CCSER1: variants seen among roughly 807,000 people sequenced by gnomAD.
The protein encoded by CCSER1 is serine-rich coiled-coil domain-containing protein 1.
Under a neutral mutation model 82.0 loss-of-function variants are expected in CCSER1, and 41 were observed. That is an observed-to-expected ratio of 0.50 (90% CI 0.39 to 0.65). The LOEUF is 0.65. Ranked by LOEUF, CCSER1 falls within the 30% of genes least tolerant of loss-of-function variation. The pLI is 0.00. For synonymous variants in CCSER1, 414 were observed against 383.9 expected, an observed-to-expected ratio of 1.08 and a Z score of -0.92; for missense variants, 1,119 against 1,064.2, an observed-to-expected ratio of 1.05 and a Z score of -0.72.
intron 10 of CCSER1, among the ~76,000 whole-genome samples, chr4:91,253,373 T>A (rs1240964006): frequency 6.6e-6 from 1 of 152,156 alleles, no homozygotes; most frequent in East Asian, 1.9e-4. Flanking sequence ...TCGTCAAAAG[T>A]AAGCTATTAG....
intron 10 of CCSER1, among the ~76,000 whole-genome samples, chr4:91,108,321 A>G (rs559538764): frequency 1.1e-4 from 16 of 152,304 alleles, no homozygotes; most frequent in East Asian, 7.7e-4. Context: ...GTCCATTTCT[A>G]TATGGCATTG....
At chr4:90,798,360 G>A (rs1409634118) in intron 7 of CCSER1, among the ~76,000 whole-genome samples, 1 of 151,998 alleles carries the variant, frequency 6.6e-6, no homozygotes, top group Non-Finnish European at 1.5e-5. Flanking sequence ...TGGCTATTTT[G>A]TCTGTCAGCA....
chr4:90,867,691 C>A (rs1765918483), intron 8 of CCSER1, among the ~76,000 whole-genome samples: 1 of 151,958 alleles, frequency 6.6e-6, no homozygotes, highest in African/African-American at 2.4e-5. Context: ...TCCCCCAATA[C>A]CTCCACTAGC....
At chr4:91,320,803 T>C (rs1746144188) in intron 10 of CCSER1, among the ~76,000 whole-genome samples, 1 of 152,042 alleles carries the variant, frequency 6.6e-6, no homozygotes, top group African/African-American at 2.4e-5. Flanking sequence ...GGTTCATCTT[T>C]CTGCCGCAAT....
chr4:90,875,590 G>A (rs993162518), intron 8 of CCSER1, among the ~76,000 whole-genome samples: 2 of 152,138 alleles, frequency 1.3e-5, no homozygotes, highest in African/African-American at 4.8e-5. Flanking sequence ...TAGGCATTTT[G>A]TAACAAGTCT....
At chr4:90,791,856 AG>A in intron 7 of CCSER1, among the ~76,000 whole-genome samples, 1 of 151,672 alleles carries the variant, frequency 6.6e-6, no homozygotes, top group South Asian at 2.1e-4. Flanking sequence ...CACGTTTATA[AG>A]ATGTAATGCT....
chr4:90,653,504 A>T (rs1297289826), intron 6 of CCSER1, among the ~76,000 whole-genome samples: 1 of 152,120 alleles, frequency 6.6e-6, no homozygotes, highest in African/African-American at 2.4e-5. Context: ...TAAAATTATG[A>T]TAGACACCAT....
At position 91,153,023 on chromosome 4, in the gene CCSER1, C is replaced by T. The variant is rs757231004; in HGVS notation, c.2217+67029C>T. 9.9e-5 allele frequency among the ~76,000 whole-genome samples: 15 copies of T among 151,886 alleles called. 1 individual carries two copies. Among genetic ancestry groups the T allele is most frequent in the Non-Finnish European group, 1.8e-4 (12 of 67,890 alleles). ...CTCTTCTCAAGGAGTATCTTTGTGG[C>T]GTTCTCTGTATTTCCTGAATTTGAA... is the stretch of plus-strand genomic sequence containing the variant. On this transcript the variant is annotated intron_variant, in intron 10 of 10. Transcript: ENST00000509176.
chr4:91,180,810 C>G (rs1269021457), intron 10 of CCSER1, among the ~76,000 whole-genome samples: 2 of 152,096 alleles, frequency 1.3e-5, no homozygotes, highest in Non-Finnish European at 2.9e-5. Context: ...GCTGAGAGCC[C>G]CTAACAGGGA....
intron 5 of CCSER1, among the ~76,000 whole-genome samples, chr4:90,583,705 A>G (rs1368803657): frequency 6.6e-6 from 1 of 152,096 alleles, no homozygotes; most frequent in Non-Finnish European, 1.5e-5. Flanking sequence ...AAACGAGAAT[A>G]CCTTTTTATG....
At chr4:90,522,875 G>T (rs182635891) in intron 5 of CCSER1, among the ~76,000 whole-genome samples, 1 of 152,172 alleles carries the variant, frequency 6.6e-6, no homozygotes, top group East Asian at 1.9e-4. Flanking sequence ...GATTAAATAT[G>T]AATTGAATGA....
chr4:90,290,072 G>A (rs1730629654), intron 1 of CCSER1, among the ~76,000 whole-genome samples: 1 of 151,630 alleles, frequency 6.6e-6, no homozygotes. Flanking sequence ...TCAAATCTGG[G>A]TAATTGGAAT....
At chr4:90,234,009 C>T (rs995965636) in intron 1 of CCSER1, among the ~76,000 whole-genome samples, 1 of 152,004 alleles carries the variant, frequency 6.6e-6, no homozygotes, top group African/African-American at 2.4e-5. Context: ...TAAAAATAAA[C>T]ATTTAAAAAA....
chr4:90,818,279 C>CT lies in CCSER1; in HGVS notation c.2094+2449dup, dbSNP rs1251264832. 7.8e-3 allele frequency among the ~76,000 whole-genome samples: 1,037 copies of CT among 132,810 alleles called. 3 individuals carry two copies. The highest frequency in any genetic ancestry group is 9.4e-3 in the Non-Finnish European group (572 of 60,752). 87.1% of individuals were successfully genotyped at this position (132,810 alleles called of 152,430 possible). On this transcript the variant is annotated intron_variant, in intron 8 of 10. Coordinates refer to ENST00000509176, the MANE Select transcript of CCSER1 (RefSeq NM_001145065.2). ...GAAATGTTTTTCTTTTCTTTTTTTT[C>CT]TTTTTTTTTTTTTTTAAGATAGAAT...
intron 10 of CCSER1, among the ~76,000 whole-genome samples, chr4:91,574,891 A>G (rs1205413025): frequency 6.6e-6 from 1 of 152,130 alleles, no homozygotes; most frequent in Non-Finnish European, 1.5e-5. Context: ...ATCTAAAATA[A>G]AAGTTGAAAT....
At chr4:90,167,956 G>A (rs1730842186) in intron 1 of CCSER1, among the ~76,000 whole-genome samples, 1 of 152,060 alleles carries the variant, frequency 6.6e-6, no homozygotes. Context: ...TGTCTTTATA[G>A]CAGCATGATT....
intron 4 of CCSER1, among the ~76,000 whole-genome samples, chr4:90,458,621 C>G (rs1762486722): frequency 1.3e-5 from 2 of 152,022 alleles, no homozygotes; most frequent in Admixed American, 6.6e-5. Flanking sequence ...CCCCATATTG[C>G]TGGGATTAAA....
chr4:90,323,547 A>G (rs1311309383), intron 3 of CCSER1, among the ~76,000 whole-genome samples: 3 of 152,206 alleles, frequency 2.0e-5, no homozygotes, highest in African/African-American at 7.2e-5. Context: ...GTCCCAATGC[A>G]AAGCCTCACA....
At chr4:90,435,180 A>G (rs1758828591) in intron 4 of CCSER1, among the ~76,000 whole-genome samples, 1 of 152,194 alleles carries the variant, frequency 6.6e-6, no homozygotes, top group African/African-American at 2.4e-5. Flanking sequence ...TAATAAATAT[A>G]TATGCGTGAA....
Sources: gnomAD v4.1 joint callset for allele counts (sites outside exome capture counted in the v4.1 genomes callset) on GRCh38, gnomAD v4.1.1 for gene constraint, MANE v1.5 for transcripts, NCBI Gene and HGNC (gene_info 2026-07-23, HGNC 2026-07-21) for gene names.